Variants in CASP8 observed in about 807,000 individuals in gnomAD.
CASP8 encodes caspase 8.
Under a neutral mutation model 46.3 loss-of-function variants are expected in CASP8, and 24 were observed. The ratio of observed to expected loss-of-function variants is 0.52; its 90% CI spans 0.38 to 0.73. CASP8 has a LOEUF of 0.73. CASP8 is among the 30% of genes least tolerant of loss of function. CASP8 has a pLI of 0.00. For missense variants in CASP8, 460 were observed against 559.0 expected (o/e 0.82, Z 1.79); for synonymous variants, 188 against 200.4 (o/e 0.94, Z 0.52).
rs374003804 is a variant in CASP8 at position 201,244,278 on chromosome 2, T to C, written c.-27+10166T>C. On this transcript the variant is annotated intron_variant, in intron 2 of 6. Coordinates refer to the CASP8 transcript ENST00000264274. ...CATTCAGTGGCACAGGAACAAAATATTTATTTGTGGGGATACATCCAGCAT... is the reference window on the plus strand; with the variant it reads ...CATTCAGTGGCACAGGAACAAAATACTTATTTGTGGGGATACATCCAGCAT... 3.3e-5 allele frequency among the ~76,000 whole-genome samples: 5 copies of C among 152,318 alleles called. No homozygotes were observed. The South Asian group carries it at 1.0e-3, about 32-fold the overall frequency.
intron 7 of CASP8, among the ~76,000 whole-genome samples, chr2:201,277,265 C>T (rs1045626483): frequency 3.9e-5 from 6 of 152,024 alleles, no homozygotes; most frequent in Admixed American, 1.3e-4. Context: ...AAATGCATAG[C>T]GCTTCTGTGG....
At position 201,247,926 on chromosome 2, in the gene CASP8, G is replaced by A. The variant is rs534696964; in HGVS notation, c.-27+13814G>A. Reference sequence around the variant, plus strand: ...CCCAAAGTGCTGGGATTACAGGCGTGAGCCACTGCGCCCGGCCAACTTTTG... The same window carrying A: ...CCCAAAGTGCTGGGATTACAGGCGTAAGCCACTGCGCCCGGCCAACTTTTG... On this transcript the variant is annotated intron_variant, in intron 2 of 6. Coordinates refer to the CASP8 transcript ENST00000264274. 5.9e-5 allele frequency among the ~76,000 whole-genome samples: 9 copies of A among 152,282 alleles called. No individual in the cohort carries two copies. The South Asian group carries it at 1.4e-3, about 25-fold the overall frequency.
chr2:201,255,886 C>T (rs1307885945), upstream of CASP8, among the ~76,000 whole-genome samples: 1 of 152,152 alleles, frequency 6.6e-6, no homozygotes, highest in Non-Finnish European at 1.5e-5. Context: ...TCCTGAGTAG[C>T]TTGAGACAAC....
chr2:201,258,585 C>G (rs1453221139), upstream of CASP8, among the ~76,000 whole-genome samples: 1 of 152,198 alleles, frequency 6.6e-6, no homozygotes, highest in Non-Finnish European at 1.5e-5. Flanking sequence ...CTTTTTCACT[C>G]TGAGCAGTCT....
intron 6 of CASP8, 46 bp from the exon 7 acceptor site, chr2:201,276,781 G>A (rs750085333): frequency 1.2e-6 from 2 of 1,613,070 alleles, no homozygotes; most frequent in East Asian, 4.5e-5. Flanking sequence ...CATCTCTAGT[G>A]TTTGACCCAC....
At chr2:201,259,961 GTT>G (rs1218120536), upstream of CASP8, among the ~76,000 whole-genome samples, 1 of 145,554 alleles carries the variant, frequency 6.9e-6, no homozygotes, top group African/African-American at 2.5e-5. Flanking sequence ...TCATTTTAGA[GTT>G]TTTTCTTTTT....
At chr2:201,283,662 A>C (rs1192497604) in intron 7 of CASP8, among the ~76,000 whole-genome samples, 4 of 63,750 alleles carry the variant, frequency 6.3e-5, no homozygotes, top group Admixed American at 3.0e-4. Flanking sequence ...GGCGCCCCTC[A>C]CCTCCCGGAC....
chr2:201,266,454 G>T lies in CASP8; in HGVS notation c.-26-7G>T. 1.2e-6 allele frequency: 2 copies of T among 1,603,464 alleles called. No homozygotes were observed. Among genetic ancestry groups the T allele is most frequent in the African/African-American group, 1.3e-5 (1 of 74,810 alleles). On this transcript the variant is annotated splice_polypyrimidine_tract_variant and splice_region_variant and intron_variant, in intron 1 of 8. Coordinates refer to ENST00000673742, the MANE Select transcript of CASP8 (RefSeq NM_001372051.1). This position sits in a 1 kb window ranked among gnomAD's most constrained non-coding sequence, Gnocchi z 5.7. ...CTTATCTGAACATACCATTTATTTT[G>T]ACTTAGATTATATTCTCCTGCCTTT...
intron 7 of CASP8, among the ~76,000 whole-genome samples, chr2:201,284,334 G>A (rs1355147622): frequency 2.7e-5 from 2 of 74,860 alleles, no homozygotes; most frequent in African/African-American, 1.0e-4. Context: ...AGGCGGCTGG[G>A]AGGTGGTTGT....
At chr2:201,241,855 G>C (rs950984157) in intron 2 of CASP8, 2 of 152,130 alleles carry the variant, frequency 1.3e-5, no homozygotes, top group African/African-American at 4.8e-5. Context: ...CGTACATCCT[G>C]ACTGAGTGGC....
intron 2 of CASP8, among the ~76,000 whole-genome samples, chr2:201,244,857 C>A (rs1263827568): frequency 1.3e-5 from 2 of 152,116 alleles, no homozygotes; most frequent in Non-Finnish European, 2.9e-5. Flanking sequence ...GAGACTGAGG[C>A]TGTGCAATAA....
chr2:201,253,710 G>A (rs1266055791), intron 2 of CASP8, among the ~76,000 whole-genome samples: 1 of 152,066 alleles, frequency 6.6e-6, no homozygotes, highest in Non-Finnish European at 1.5e-5. Context: ...TAGCGTCTGA[G>A]GTGCCCCATT....
At chr2:201,247,365 A>G (rs1000369807) in intron 2 of CASP8, among the ~76,000 whole-genome samples, 4 of 152,082 alleles carry the variant, frequency 2.6e-5, no homozygotes, top group African/African-American at 9.7e-5. Flanking sequence ...CTGAGAGCTC[A>G]CTGGGTCCCC....
At chr2:201,237,898 G>A (rs2124866765) in intron 2 of CASP8, among the ~76,000 whole-genome samples, 1 of 152,286 alleles carries the variant, frequency 6.6e-6, no homozygotes, top group South Asian at 2.1e-4. Context: ...AGCCAGCTAG[G>A]GGAAAAATGG....
At chr2:201,281,095 C>G (rs1334839658) in intron 7 of CASP8, among the ~76,000 whole-genome samples, 1 of 152,104 alleles carries the variant, frequency 6.6e-6, no homozygotes, top group Non-Finnish European at 1.5e-5. Flanking sequence ...GGGTGGGTCA[C>G]TTGAGGCTGG....
upstream of CASP8, chr2:201,258,447 G>C (rs963435417): frequency 1.0e-5 from 16 of 1,590,510 alleles, no homozygotes; most frequent in Admixed American, 2.2e-4. Flanking sequence ...TTCTTGACTT[G>C]CTCTAGAAAC....
intron 7 of CASP8, chr2:201,281,766 C>G: frequency 1.0e-6 from 1 of 1,003,474 alleles, no homozygotes; most frequent in Admixed American, 2.2e-5. Context: ...GCTTACCCAT[C>G]TTGTAAACTA....
chr2:201,282,844 C>G (rs1423358584), intron 7 of CASP8, among the ~76,000 whole-genome samples: 2 of 77,772 alleles, frequency 2.6e-5, no homozygotes, highest in Admixed American at 1.1e-4. Context: ...CCCTCCCGGA[C>G]GGGGCGGCTG....
chr2:201,268,040 C>A (rs541172895), intron 2 of CASP8, among the ~76,000 whole-genome samples: 1 of 152,192 alleles, frequency 6.6e-6, no homozygotes, highest in Non-Finnish European at 1.5e-5. Flanking sequence ...GATTCTTCTG[C>A]CTCAGCCTCC....
Sources: allele counts gnomAD v4.1 joint callset (sites outside exome capture counted in the v4.1 genomes callset), GRCh38; gene constraint gnomAD v4.1.1; non-coding constraint Gnocchi (gnomAD v3.1); transcripts MANE v1.5; gene names NCBI Gene and HGNC (gene_info 2026-07-23, HGNC 2026-07-21).